NUP160: variants seen among roughly 807,000 people sequenced by gnomAD.
NUP160 encodes the protein nucleoporin 160, also known as nuclear pore complex protein Nup160.
Under a neutral mutation model 196.9 loss-of-function variants are expected in NUP160, and 94 were observed. The ratio of observed to expected loss-of-function variants is 0.48; its 90% CI spans 0.40 to 0.57. NUP160 has a LOEUF of 0.57. NUP160 is among the 20% of genes least tolerant of loss of function. The probability of loss-of-function intolerance (pLI) is 0.00; values close to 1 mark genes in which losing one functional copy is unlikely to be tolerated. For synonymous variants in NUP160, 605 were observed against 619.7 expected, an observed-to-expected ratio of 0.98 and a Z score of 0.35; for missense variants, 1,638 against 1,748.3, an observed-to-expected ratio of 0.94 and a Z score of 1.13.
At chr11:47,835,791 C>T (rs751829489) in exon 7 of NUP160, 3 of 1,590,520 alleles carry the variant, frequency 1.9e-6, no homozygotes, top group South Asian at 2.3e-5. Context: ...ATGTCAGCTA[C>T]CATTAGGCAC....
intron 4 of NUP160, among the ~76,000 whole-genome samples, chr11:47,838,834 T>A (rs993564031): frequency 6.6e-6 from 1 of 151,940 alleles, no homozygotes; most frequent in Admixed American, 6.6e-5. Flanking sequence ...TGAAACCCTG[T>A]CTCTACTAAA....
intron 8 of NUP160, 55 bp downstream of exon 8, chr11:47,822,032 G>T: frequency 1.7e-6 from 2 of 1,204,158 alleles, no homozygotes; most frequent in Non-Finnish European, 2.4e-6. Context: ...AACAGAGTTA[G>T]TCAATACTTC....
chr11:47,792,297 T>C, intron 28 of NUP160: 1 of 294,244 alleles, frequency 3.4e-6, no homozygotes. Context: ...ATCTGACCCA[T>C]CAGTATGATA....
At chr11:47,807,016 AT>A in intron 19 of NUP160, 53 bp downstream of exon 19, 1 of 1,296,970 alleles carries the variant, frequency 7.7e-7, no homozygotes, top group Non-Finnish European at 1.1e-6. Context: ...ACTTTAATGA[AT>A]ATGCAATAAA....
chr11:47,803,887 T>A (rs1052549329), intron 21 of NUP160, among the ~76,000 whole-genome samples: 9 of 152,044 alleles, frequency 5.9e-5, no homozygotes, highest in African/African-American at 2.2e-4. Flanking sequence ...GACAAATTCT[T>A]AAAAAGACAC....
At position 47,825,779 on chromosome 11, in the gene NUP160, T is replaced by A. The variant is rs1051610397; in HGVS notation, c.1102-3615A>T. ...TTGTATTTTTAGTAGAGACAGCGTT[T>A]TACCATGTTGGCCAGGCTGGTCTCG... On this transcript the variant is annotated intron_variant, in intron 7 of 35. Transcript: ENST00000378460. Among the ~76,000 whole-genome samples the A allele has an allele frequency of 2.0e-5, 3 of 152,136 alleles. No homozygotes were observed. In the East Asian group the frequency reaches 5.8e-4, roughly 29 times the overall value.
At chr11:47,804,125 G>A (rs1246262599) in intron 21 of NUP160, among the ~76,000 whole-genome samples, 1 of 151,328 alleles carries the variant, frequency 6.6e-6, no homozygotes. Context: ...AGGCTGCAGT[G>A]AGCCAAGATC....
exon 28 of NUP160, chr11:47,792,855 A>G: frequency 1.2e-6 from 2 of 1,614,228 alleles, no homozygotes; most frequent in South Asian, 2.2e-5. Flanking sequence ...AATTGAGAGC[A>G]GCCAGATAAC....
At chr11:47,778,189 G>T (rs1249760673) in exon 36 of NUP160, 2 of 151,718 alleles carry the variant, frequency 1.3e-5, no homozygotes, top group African/African-American at 2.4e-5. Context: ...AAAAACTCAA[G>T]AAGGGTCAAA....
intron 2 of NUP160, among the ~76,000 whole-genome samples, 200 bp downstream of exon 2, chr11:47,847,648 T>TG (rs56283744): frequency 0.22 from 16,590 of 76,952 alleles, 1,585 homozygotes; most frequent in Middle Eastern, 0.26. Context: ...TGTGTGGGGG[T>TG]GGGGGGGGGG....
At chr11:47,789,311 T>C (rs887229495) in intron 29 of NUP160, among the ~76,000 whole-genome samples, 2 of 152,210 alleles carry the variant, frequency 1.3e-5, no homozygotes, top group Non-Finnish European at 2.9e-5. Flanking sequence ...CCTGGCCTCA[T>C]TTAACTATTA....
At chr11:47,818,690 C>T (rs1851790964) in intron 10 of NUP160, among the ~76,000 whole-genome samples, 1 of 152,102 alleles carries the variant, frequency 6.6e-6, no homozygotes, top group African/African-American at 2.4e-5. Context: ...GTAAATCTGA[C>T]TAACAGTCAT....
chr11:47,808,936 G>GT (rs1462549606), intron 17 of NUP160, among the ~76,000 whole-genome samples: 2 of 151,800 alleles, frequency 1.3e-5, no homozygotes, highest in Non-Finnish European at 2.9e-5. Context: ...CCCGTCTGTA[G>GT]TAAAAATTAC....
intron 21 of NUP160, among the ~76,000 whole-genome samples, chr11:47,803,829 T>C (rs1390277083): frequency 6.6e-6 from 1 of 152,160 alleles, no homozygotes; most frequent in Non-Finnish European, 1.5e-5. Context: ...AAAGGATTTA[T>C]ATGAAAACAA....
rs752435644 is a variant in NUP160, at chr11:47,840,013, A to G, written c.578T>C (p.Val193Ala). The change falls in exon 4 of 36, where the codon GTT becomes GCT. Residue 193 changes from valine to alanine, a missense_variant. Coordinates refer to ENST00000378460, the Ensembl canonical transcript of NUP160. Reference sequence around the variant, plus strand: ...ATAGTTGCAAGGATCTGTGAAATCAACTTTTCCAATGTCAGTGAATATTGA... The same window carrying G: ...ATAGTTGCAAGGATCTGTGAAATCAGCTTTTCCAATGTCAGTGAATATTGA... 5.6e-6 allele frequency: 9 copies of G among 1,614,148 alleles called. No homozygotes were observed. The highest frequency in any genetic ancestry group is 1.7e-5 in the Admixed American group (1 of 60,006).
At chr11:47,787,656 C>T (rs2097665414) in intron 31 of NUP160, among the ~76,000 whole-genome samples, 4 of 151,876 alleles carry the variant, frequency 2.6e-5, no homozygotes, top group Non-Finnish European at 2.9e-5. Context: ...GCGATCCACC[C>T]GCCACAGCCT....
intron 12 of NUP160, 48 bp downstream of exon 12, chr11:47,815,898 T>C: frequency 1.4e-6 from 2 of 1,407,708 alleles, no homozygotes. Flanking sequence ...CAATCTGCCC[T>C]ATATCAAGAT....
intron 34 of NUP160, among the ~76,000 whole-genome samples, chr11:47,781,189 C>G (rs2097660602): frequency 6.6e-6 from 1 of 151,982 alleles, no homozygotes; most frequent in South Asian, 2.1e-4. Context: ...TGCCACTGCA[C>G]TCAAGCCTGG....
At chr11:47,806,094 G>A (rs1161475184) in intron 20 of NUP160, 59 bp downstream of exon 20, 43 of 1,529,740 alleles carry the variant, frequency 2.8e-5, no homozygotes, top group Admixed American at 2.7e-4. Context: ...GATTACAGGT[G>A]TGAGCCAACA....
Sources: allele counts gnomAD v4.1 joint callset (sites outside exome capture counted in the v4.1 genomes callset), GRCh38; gene constraint gnomAD v4.1.1; transcripts MANE v1.5; gene names NCBI Gene and HGNC (gene_info 2026-07-23, HGNC 2026-07-21).